Variants in ARL15 observed in about 807,000 individuals in gnomAD.
ARL15 encodes the protein ADP-ribosylation factor-like protein 15.
A neutral mutation model predicts 25.2 loss-of-function variants in ARL15; 19 were observed. The observed-to-expected ratio is 0.75, with a 90% CI of 0.53 to 1.10. ARL15 has a LOEUF of 1.10. Ranked by LOEUF, ARL15 falls within the 50% of genes least tolerant of loss-of-function variation. ARL15 has a pLI of 0.00. For synonymous variants in ARL15, 94 were observed against 86.8 expected, an observed-to-expected ratio of 1.08 and a Z score of -0.46; for missense variants, 220 against 246.0, an observed-to-expected ratio of 0.89 and a Z score of 0.71.
chr5:54,280,908 A>G (rs1285364994), intron 1 of ARL15, among the ~76,000 whole-genome samples: 1 of 152,070 alleles, frequency 6.6e-6, no homozygotes, highest in Non-Finnish European at 1.5e-5. Context: ...CTACATAGAT[A>G]CATCTCCAAA....
chr5:53,948,902 G>A (rs934238974), intron 4 of ARL15, among the ~76,000 whole-genome samples: 8 of 152,140 alleles, frequency 5.3e-5, no homozygotes, highest in African/African-American at 1.9e-4. Flanking sequence ...CGGAGCTGAA[G>A]GATTTTATAA....
At chr5:54,214,022 A>G (rs1756115858) in intron 1 of ARL15, among the ~76,000 whole-genome samples, 1 of 152,220 alleles carries the variant, frequency 6.6e-6, no homozygotes, top group Non-Finnish European at 1.5e-5. Flanking sequence ...CCAAAATAGC[A>G]GTCCCAAACA....
chr5:54,221,187 T>C (rs1756364997), intron 1 of ARL15, among the ~76,000 whole-genome samples: 1 of 152,226 alleles, frequency 6.6e-6, no homozygotes, highest in Admixed American at 6.5e-5. Flanking sequence ...TCTTGTATGT[T>C]AGGACTCAAA....
At chr5:54,183,561 A>C (rs1472325041) in intron 1 of ARL15, among the ~76,000 whole-genome samples, 1 of 150,146 alleles carries the variant, frequency 6.7e-6, no homozygotes, top group Non-Finnish European at 1.5e-5. Flanking sequence ...CCAGTATTTT[A>C]TTGAGGATTT....
intron 2 of ARL15, among the ~76,000 whole-genome samples, chr5:54,166,910 A>T (rs866836031): frequency 6.6e-6 from 1 of 151,970 alleles, no homozygotes; most frequent in Admixed American, 6.6e-5. Flanking sequence ...TTGTTGAGTG[A>T]TGAATATTTT....
At chr5:53,925,263 C>T (rs1463107479) in intron 4 of ARL15, among the ~76,000 whole-genome samples, 4 of 151,546 alleles carry the variant, frequency 2.6e-5, no homozygotes, top group South Asian at 2.1e-4. Context: ...GTGGTGCAAT[C>T]ATGGCTCACT....
At chr5:53,949,768 C>T (rs536683117) in intron 4 of ARL15, among the ~76,000 whole-genome samples, 2 of 152,272 alleles carry the variant, frequency 1.3e-5, no homozygotes, top group African/African-American at 4.8e-5. Context: ...CATAATCGCT[C>T]AGAACACTGA....
intron 4 of ARL15, among the ~76,000 whole-genome samples, chr5:54,031,132 T>G (rs1321171052): frequency 6.6e-6 from 1 of 152,142 alleles, no homozygotes; most frequent in Non-Finnish European, 1.5e-5. Context: ...ACTAAAAGAT[T>G]TAAGCTTTAT....
chr5:54,199,980 T>G, intron 1 of ARL15, among the ~76,000 whole-genome samples: 1 of 150,826 alleles, frequency 6.6e-6, no homozygotes, highest in Non-Finnish European at 1.5e-5. Flanking sequence ...AATGATGAGT[T>G]CATGTCCTTT....
rs138619076 is a variant in ARL15, at chr5:54,235,154, C to T, written c.49-63226G>A. Among the ~76,000 whole-genome samples, 1,515 of 152,294 alleles carry T rather than the reference C, an allele frequency of 9.9e-3. 29 individuals are homozygous for T. Among genetic ancestry groups the T allele is most frequent in the African/African-American group, 0.035 (1,454 of 41,560 alleles). ...AAATATTAAAACTACACTCAACTTA[C>T]AACCTGGGCATTCCAATGGCCTTCA... On this transcript the variant is annotated intron_variant, in intron 1 of 4. Transcript: ENST00000504924.
intron 4 of ARL15, among the ~76,000 whole-genome samples, chr5:53,970,601 C>T (rs563418843): frequency 6.6e-6 from 1 of 152,190 alleles, no homozygotes; most frequent in South Asian, 2.1e-4. Context: ...TTGGTTTTAC[C>T]TTCTTGCCCT....
rs573544401 is a variant in ARL15 at position 54,186,225 on chromosome 5, A to AAT, written c.49-14299_49-14298dup. ...ACTGCTTTAACTGCTGACAAAGACA[A>AAT]ATGTTTACTATGGTCTAGCGCGGAG... On this transcript the variant is annotated intron_variant, in intron 1 of 4. Coordinates refer to ENST00000504924, the MANE Select transcript of ARL15 (RefSeq NM_019087.3). Among the ~76,000 whole-genome samples, 25 of 152,304 alleles carry AAT rather than the reference A, an allele frequency of 1.6e-4. No homozygotes were observed. In the East Asian group the frequency reaches 3.3e-3, roughly 20 times the overall value.
chr5:54,205,343 C>A (rs969088993), intron 1 of ARL15, among the ~76,000 whole-genome samples: 2 of 152,154 alleles, frequency 1.3e-5, no homozygotes, highest in Non-Finnish European at 2.9e-5. Flanking sequence ...GGGATTTGAA[C>A]ACGAGTCTAA....
intron 4 of ARL15, among the ~76,000 whole-genome samples, chr5:53,958,961 T>C (rs1269276265): frequency 1.3e-5 from 2 of 152,094 alleles, no homozygotes; most frequent in East Asian, 1.9e-4. Context: ...CAATAATAAT[T>C]GGGGACATCA....
intron 4 of ARL15, among the ~76,000 whole-genome samples, chr5:53,887,812 A>G (rs1176831407): frequency 1.3e-5 from 2 of 152,190 alleles, no homozygotes; most frequent in African/African-American, 2.4e-5. Context: ...AAAAAAAAGT[A>G]TCTCCACTTT....
chr5:53,955,819 C>CA (rs773274919), intron 4 of ARL15, among the ~76,000 whole-genome samples: 13 of 152,146 alleles, frequency 8.5e-5, no homozygotes, highest in Non-Finnish European at 1.2e-4. Context: ...ACCTTATTTA[C>CA]AAAGAATTGT....
At chr5:53,943,840 T>G (rs1317404852) in intron 4 of ARL15, among the ~76,000 whole-genome samples, 4 of 152,160 alleles carry the variant, frequency 2.6e-5, no homozygotes, top group Non-Finnish European at 5.9e-5. Flanking sequence ...GCTCAAAAGC[T>G]TCTATGAATG....
chr5:54,280,860 T>C (rs1758040641), intron 1 of ARL15, among the ~76,000 whole-genome samples: 1 of 152,114 alleles, frequency 6.6e-6, no homozygotes, highest in Non-Finnish European at 1.5e-5. Flanking sequence ...CAAGACATTT[T>C]ATCACTTAAT....
intron 4 of ARL15, among the ~76,000 whole-genome samples, chr5:54,009,120 G>A (rs1749144969): frequency 1.3e-5 from 2 of 152,178 alleles, no homozygotes; most frequent in African/African-American, 4.8e-5. Flanking sequence ...TATTATATAT[G>A]TAAATGCAAA....
Sources: gnomAD v4.1 joint callset for allele counts (sites outside exome capture counted in the v4.1 genomes callset) on GRCh38, gnomAD v4.1.1 for gene constraint, MANE v1.5 for transcripts, NCBI Gene and HGNC (gene_info 2026-07-23, HGNC 2026-07-21) for gene names.